THSD7A: variants seen among roughly 807,000 people sequenced by gnomAD.
THSD7A encodes the protein thrombospondin type 1 domain containing 7A.
THSD7A carries 96 observed loss-of-function variants against 231.3 expected under a neutral mutation model. That is an observed-to-expected ratio of 0.41 (90% CI 0.35 to 0.49). The LOEUF (loss-of-function observed/expected upper bound fraction) is 0.49, where lower values mean the gene tolerates loss of function less well. Ranked by LOEUF, THSD7A falls within the 20% of genes least tolerant of loss-of-function variation. The pLI is 0.05. For missense variants in THSD7A, 2,290 were observed against 2,070.2 expected, an observed-to-expected ratio of 1.11 and a Z score of -2.06; for synonymous variants, 940 against 743.3, an observed-to-expected ratio of 1.26 and a Z score of -4.30.
chr7:11,386,677 G>A (rs1003291318), intron 23 of THSD7A, among the ~76,000 whole-genome samples: 6 of 152,200 alleles, frequency 3.9e-5, no homozygotes, highest in African/African-American at 1.2e-4. Context: ...TCACTCTGAT[G>A]ATAGTTTCTT....
intron 6 of THSD7A, among the ~76,000 whole-genome samples, chr7:11,529,933 C>G (rs2128318960): frequency 6.6e-6 from 1 of 152,234 alleles, no homozygotes; most frequent in East Asian, 1.9e-4. Context: ...GGAACAATTC[C>G]TAGCATTTAG....
rs1468734838 is a variant in THSD7A at position 11,637,621 on chromosome 7, G to A, written c.191-660C>T. ...TTTCCCAAGTGAAGTATAGAGCTGG[G>A]TAAGGGAATTTAAATGTAACTAAAA... On this transcript the variant is annotated intron_variant, in intron 1 of 27. Coordinates refer to ENST00000423059, the MANE Select transcript of THSD7A (RefSeq NM_015204.3). The surrounding 1 kb of genome is among the most constrained non-coding windows in gnomAD (Gnocchi z 4.2). Among the ~76,000 whole-genome samples, 1 of 152,146 alleles carries A rather than the reference G, an allele frequency of 6.6e-6. No homozygotes were observed. Among genetic ancestry groups the A allele is most frequent in the East Asian group, 1.9e-4 (1 of 5,196 alleles).
At chr7:11,726,869 T>C (rs1303434097) in intron 1 of THSD7A, among the ~76,000 whole-genome samples, 2 of 151,930 alleles carry the variant, frequency 1.3e-5, no homozygotes, top group African/African-American at 4.8e-5. Context: ...TTTTCTAGAT[T>C]ACCCTTTCAG....
intron 6 of THSD7A, among the ~76,000 whole-genome samples, chr7:11,520,891 AGGT>A (rs1788233896): frequency 6.6e-6 from 1 of 152,192 alleles, no homozygotes; most frequent in Non-Finnish European, 1.5e-5. Flanking sequence ...AAGGTCTCAG[AGGT>A]GGTGAAATCA....
chr7:11,460,755 G>C lies in THSD7A; in HGVS notation c.2512C>G (p.His838Asp). 1 of 1,611,584 alleles carries C rather than the reference G, an allele frequency of 6.2e-7. No individual in the cohort carries two copies. The highest frequency in any genetic ancestry group is 8.5e-7 in the Non-Finnish European group (1 of 1,178,966). Residue 838 changes from histidine to aspartate, a missense_variant, in exon 11 of 28, where the codon CAC (histidine) becomes GAC (aspartate). His to Asp is a moderately conservative substitution (Grantham distance 81). Transcript: ENST00000423059. ...ACTAATTGGCATCTGCGCCATTTGT[G>C]AGTCTTCCACCTACAAGACAGGAAC... ...QACQSYRWKT[H>D]KWRRCQLVPW...
At chr7:11,783,139 C>T (rs1220953966) in intron 1 of THSD7A, among the ~76,000 whole-genome samples, 2 of 152,054 alleles carry the variant, frequency 1.3e-5, no homozygotes, top group Non-Finnish European at 2.9e-5. Flanking sequence ...AATACAGATG[C>T]CCTTCTACTT....
At chr7:11,559,405 G>A (rs771769601) in intron 4 of THSD7A, among the ~76,000 whole-genome samples, 4 of 151,882 alleles carry the variant, frequency 2.6e-5, no homozygotes, top group Non-Finnish European at 5.9e-5. Flanking sequence ...GTTGGTGGAG[G>A]GTTATAAGAG....
chr7:11,659,657 A>G (rs1782851228), intron 1 of THSD7A, among the ~76,000 whole-genome samples: 2 of 151,250 alleles, frequency 1.3e-5, no homozygotes, highest in African/African-American at 4.8e-5. Flanking sequence ...TTATTTTTCT[A>G]TTTCCAGTGA....
intron 6 of THSD7A, among the ~76,000 whole-genome samples, chr7:11,515,592 T>C (rs1787997401): frequency 6.6e-6 from 1 of 152,150 alleles, no homozygotes; most frequent in Non-Finnish European, 1.5e-5. Context: ...GCTAGATTTA[T>C]TACCAAACAC....
In THSD7A at chr7:11,806,378, T is replaced by G. The variant is rs561893041; in HGVS notation, c.190+25379A>C. On this transcript the variant is annotated intron_variant, in intron 1 of 27. Transcript: ENST00000423059. Reference sequence around the variant, plus strand: ...ATTTCAATGTACAAAATAAAGAACTTTTAGACCTTGGACTATAGAGTTCAG... The same window carrying G: ...ATTTCAATGTACAAAATAAAGAACTGTTAGACCTTGGACTATAGAGTTCAG... Among the ~76,000 whole-genome samples, 13 of 152,258 alleles carry G rather than the reference T, an allele frequency of 8.5e-5. No homozygotes were observed. The South Asian group carries it at 2.5e-3, about 29-fold the overall frequency.
chr7:11,428,828 G>A lies in THSD7A; in HGVS notation c.3243+119C>T, dbSNP rs1784396962. On this transcript the variant is annotated intron_variant, in intron 14 of 27. Transcript: ENST00000423059. ...TATGTATTTATTCAGGCATTCTAAT[G>A]GTAAAAATGGGTCAATTTTTTATTC... 3.5e-6 allele frequency: 4 copies of A among 1,142,854 alleles called. No homozygotes were observed. In the African/African-American group the frequency reaches 6.3e-5, roughly 18 times the overall value. The allele number at this position is 1,142,854 out of a possible 1,614,324, so 70.8% of individuals were successfully genotyped here. A position where few individuals can be genotyped will look rare whatever the true frequency, so the allele number is the denominator to read the frequency against.
At chr7:11,773,720 C>T (rs1253611263) in intron 1 of THSD7A, among the ~76,000 whole-genome samples, 1 of 151,694 alleles carries the variant, frequency 6.6e-6, no homozygotes, top group Non-Finnish European at 1.5e-5. Flanking sequence ...TTTTTTGATA[C>T]AAGCTTACAA....
At chr7:11,680,895 T>G (rs764135072) in intron 1 of THSD7A, among the ~76,000 whole-genome samples, 1 of 152,182 alleles carries the variant, frequency 6.6e-6, no homozygotes, top group Non-Finnish European at 1.5e-5. Context: ...TAAAGACACA[T>G]GCACACATAT....
chr7:11,455,278 C>T (rs1389067913), intron 11 of THSD7A, among the ~76,000 whole-genome samples: 1 of 152,032 alleles, frequency 6.6e-6, no homozygotes, highest in African/African-American at 2.4e-5. Context: ...TTTGTTTAAG[C>T]TACTTGATCT....
chr7:11,555,854 C>G (rs1245138427), intron 4 of THSD7A, among the ~76,000 whole-genome samples: 1 of 151,492 alleles, frequency 6.6e-6, no homozygotes, highest in African/African-American at 2.4e-5. Context: ...TGGTAATTTT[C>G]TTTGCTTTGA....
chr7:11,462,040 A>G lies in THSD7A; in HGVS notation c.2472T>C (p.Cys824=), dbSNP rs1177117982. Residue 824 remains cysteine, a synonymous_variant, in exon 10 of 28, where the codon TGT becomes TGC. Transcript: ENST00000423059. ...CTDPLYEEKA[C]EAPQACQSYR... Reference sequence around the variant, plus strand: ...AGCTTTGGCACGCTTGAGGTGCCTCACAGGCCTTCTCTTCATAGAGGGGAT... The same window carrying G: ...AGCTTTGGCACGCTTGAGGTGCCTCGCAGGCCTTCTCTTCATAGAGGGGAT... 10 of 1,613,588 alleles carry G rather than the reference A, an allele frequency of 6.2e-6. No homozygotes were observed. The highest frequency in any genetic ancestry group is 8.5e-6 in the Non-Finnish European group (10 of 1,179,698).
intron 1 of THSD7A, among the ~76,000 whole-genome samples, chr7:11,752,093 A>C (rs1782521955): frequency 6.6e-6 from 1 of 152,126 alleles, no homozygotes; most frequent in Admixed American, 6.6e-5. Flanking sequence ...CAATTCAGAC[A>C]AACAAGAGAC....
chr7:11,473,812 C>T (rs564626400), intron 8 of THSD7A, among the ~76,000 whole-genome samples: 4 of 152,106 alleles, frequency 2.6e-5, no homozygotes, highest in Non-Finnish European at 2.9e-5. Flanking sequence ...TCCCAAGGCT[C>T]TCTCTTGGAA....
intron 1 of THSD7A, among the ~76,000 whole-genome samples, chr7:11,798,144 T>A (rs1253613782): frequency 6.6e-6 from 1 of 152,138 alleles, no homozygotes; most frequent in African/African-American, 2.4e-5. Flanking sequence ...ACAGCATGAT[T>A]ATTAGCACTA....
Sources: gnomAD v4.1 joint callset for allele counts (sites outside exome capture counted in the v4.1 genomes callset) on GRCh38, gnomAD v4.1.1 for gene constraint, Gnocchi (gnomAD v3.1) non-coding constraint, MANE v1.5 for transcripts, NCBI Gene and HGNC (gene_info 2026-07-23, HGNC 2026-07-21) for gene names.